SIPA1L1: variants seen among roughly 807,000 people sequenced by gnomAD.
SIPA1L1 encodes the protein signal-induced proliferation-associated 1-like protein 1.
A neutral mutation model predicts 162.7 loss-of-function variants in SIPA1L1; 26 were observed. The ratio of observed to expected loss-of-function variants is 0.16; its 90% confidence interval spans 0.12 to 0.22. The LOEUF (loss-of-function observed/expected upper bound fraction) is 0.22, where lower values mean the gene tolerates loss of function less well. SIPA1L1 is among the 10% of genes least tolerant of loss of function. The pLI is 1.00. For synonymous variants in SIPA1L1, 829 were observed against 837.4 expected (o/e 0.99, Z 0.17); for missense variants, 1,874 against 2,241.0 (o/e 0.84, Z 3.31).
At chr14:71,567,612 T>A (rs1034181822) in intron 4 of SIPA1L1, among the ~76,000 whole-genome samples, 1 of 150,126 alleles carries the variant, frequency 6.7e-6, no homozygotes, top group Admixed American at 6.7e-5. Flanking sequence ...TATTCATGAG[T>A]TTTCTGGGAA....
intron 2 of SIPA1L1, among the ~76,000 whole-genome samples, chr14:71,354,792 G>C (rs746755829): frequency 2.0e-5 from 3 of 152,166 alleles, no homozygotes; most frequent in Non-Finnish European, 4.4e-5. Flanking sequence ...GAAGAATATA[G>C]TTTATGTTTT....
intron 8 of SIPA1L1, 78 bp from the exon 9 acceptor site, chr14:71,658,255 C>A: frequency 5.4e-6 from 4 of 742,892 alleles, no homozygotes; most frequent in Non-Finnish European, 9.0e-6. Context: ...CTTCTCTTTT[C>A]TTTTTTGAGA....
chr14:71,421,732 G>A (rs2043199750), intron 2 of SIPA1L1, among the ~76,000 whole-genome samples: 1 of 151,968 alleles, frequency 6.6e-6, no homozygotes. Context: ...TCCAGTAGCT[G>A]TTATGGTTGG....
chr14:71,499,246 G>A (rs550264038), intron 2 of SIPA1L1, among the ~76,000 whole-genome samples: 10 of 152,312 alleles, frequency 6.6e-5, no homozygotes, highest in African/African-American at 2.4e-4. Context: ...GTAGGGTGAG[G>A]TGGGAGGATC....
chr14:71,730,803 A>G (rs137918097), intron 20 of SIPA1L1, among the ~76,000 whole-genome samples: 58 of 152,286 alleles, frequency 3.8e-4, no homozygotes, highest in African/African-American at 1.3e-3. Context: ...ATGTAAGGAA[A>G]AGGTTTGTGG....
At chr14:71,635,704 T>G (rs1596545349) in intron 7 of SIPA1L1, among the ~76,000 whole-genome samples, 3 of 152,248 alleles carry the variant, frequency 2.0e-5, no homozygotes, top group African/African-American at 7.2e-5. Context: ...AAATGAAAGA[T>G]AAAATGACAG....
chr14:71,360,118 AC>A (rs2037662588), intron 2 of SIPA1L1, among the ~76,000 whole-genome samples: 1 of 152,190 alleles, frequency 6.6e-6, no homozygotes, highest in African/African-American at 2.4e-5. Context: ...ACTAATCTAA[AC>A]TTTTTACAAA....
chr14:71,409,982 A>G (rs1298011855), intron 2 of SIPA1L1, among the ~76,000 whole-genome samples: 1 of 152,162 alleles, frequency 6.6e-6, no homozygotes, highest in Admixed American at 6.5e-5. Flanking sequence ...CTGTGATTAT[A>G]CATCTTGATT....
At chr14:71,556,635 T>C (rs1169777079) in intron 4 of SIPA1L1, among the ~76,000 whole-genome samples, 1 of 152,194 alleles carries the variant, frequency 6.6e-6, no homozygotes. Flanking sequence ...GATGAAGCGT[T>C]GTGTAGGGCA....
chr14:71,637,954 CAAT>C (rs1388797049), intron 7 of SIPA1L1, among the ~76,000 whole-genome samples: 18 of 152,054 alleles, frequency 1.2e-4, no homozygotes, highest in Admixed American at 8.5e-4. Flanking sequence ...TGAATACATA[CAAT>C]TTTGACAAGA....
chr14:71,363,989 A>G (rs1458623646), intron 2 of SIPA1L1, among the ~76,000 whole-genome samples: 1 of 152,208 alleles, frequency 6.6e-6, no homozygotes, highest in Non-Finnish European at 1.5e-5. Context: ...GTGGTTCTGA[A>G]ACTCTCTTGG....
At chr14:71,460,544 A>G (rs1360611650) in intron 2 of SIPA1L1, among the ~76,000 whole-genome samples, 5 of 152,096 alleles carry the variant, frequency 3.3e-5, no homozygotes, top group Non-Finnish European at 5.9e-5. Flanking sequence ...TCTTGACTTA[A>G]AGGTAGGAGG....
intron 5 of SIPA1L1, among the ~76,000 whole-genome samples, chr14:71,593,611 G>A (rs2035677721): frequency 6.6e-6 from 1 of 152,156 alleles, no homozygotes; most frequent in Non-Finnish European, 1.5e-5. Flanking sequence ...CCTATATCCT[G>A]CATAGCTTGT....
intron 23 of SIPA1L1, among the ~76,000 whole-genome samples, chr14:71,738,653 CA>C (rs1029732619): frequency 1.3e-5 from 2 of 152,156 alleles, no homozygotes; most frequent in Non-Finnish European, 2.9e-5. Context: ...GGGGCTTTTG[CA>C]CCAAAAGAAC....
intron 5 of SIPA1L1, among the ~76,000 whole-genome samples, chr14:71,605,752 G>A (rs748821421): frequency 1.2e-4 from 19 of 152,210 alleles, no homozygotes; most frequent in Admixed American, 6.5e-5. Context: ...GTCGAGTCCA[G>A]TGGTAGCAGT....
At chr14:71,453,363 G>A (rs1034302096) in intron 2 of SIPA1L1, among the ~76,000 whole-genome samples, 1 of 152,012 alleles carries the variant, frequency 6.6e-6, no homozygotes, top group African/African-American at 2.4e-5. Flanking sequence ...TCCCGGGCTC[G>A]AGCAGTCCTC....
chr14:71,324,854 C>T lies in SIPA1L1; in HGVS notation c.-465+3673C>T, dbSNP rs558497547. Among the ~76,000 whole-genome samples the T allele has an allele frequency of 7.2e-5, 11 of 152,120 alleles. 1 individual carries two copies. Among genetic ancestry groups the T allele is most frequent in the South Asian group, 4.2e-4 (2 of 4,816 alleles). On this transcript the variant is annotated intron_variant, in intron 2 of 23. Coordinates refer to ENST00000381232, the MANE Select transcript of SIPA1L1 (RefSeq NM_001386936.1). ...TTTTCTCAGCGACATGTAAGGGTAA[C>T]CAGAGATTGGGGCTGGGGGTGTTAG...
intron 10 of SIPA1L1, among the ~76,000 whole-genome samples, chr14:71,663,007 C>T (rs558315387): frequency 3.5e-4 from 53 of 152,290 alleles, no homozygotes; most frequent in African/African-American, 1.2e-3. Flanking sequence ...GAGTGGAAAG[C>T]TATGCAGTTT....
intron 2 of SIPA1L1, among the ~76,000 whole-genome samples, chr14:71,376,265 C>G (rs1466219305): frequency 6.6e-6 from 1 of 151,398 alleles, no homozygotes; most frequent in Non-Finnish European, 1.5e-5. Flanking sequence ...TTGATAGGTT[C>G]AATTTTCCAA....
Sources: gnomAD v4.1 joint callset for allele counts (sites outside exome capture counted in the v4.1 genomes callset) on GRCh38, gnomAD v4.1.1 for gene constraint, MANE v1.5 for transcripts, NCBI Gene and HGNC (gene_info 2026-07-23, HGNC 2026-07-21) for gene names.